Variants in PRKCZ observed in about 807,000 individuals in gnomAD.
The protein encoded by PRKCZ is protein kinase C zeta.
Under a neutral mutation model 79.5 loss-of-function variants are expected in PRKCZ, and 33 were observed. That is an observed-to-expected ratio of 0.41 (90% CI 0.31 to 0.55). PRKCZ has a LOEUF of 0.55. Among genes scored for constraint, PRKCZ ranks in the 20% least tolerant of loss-of-function variants. The pLI, the probability that PRKCZ is intolerant of heterozygous loss-of-function variation, is 0.19. For missense variants in PRKCZ, 578 were observed against 813.5 expected (o/e 0.71, Z 3.52); for synonymous variants, 342 against 320.9 (o/e 1.07, Z -0.70).
intron 4 of PRKCZ, among the ~76,000 whole-genome samples, chr1:2,073,065 G>A (rs566771704): frequency 8.5e-5 from 13 of 152,252 alleles, no homozygotes; most frequent in African/African-American, 2.4e-4. Context: ...GCCACCCAGC[G>A]GCGGTGGCGG....
intron 4 of PRKCZ, among the ~76,000 whole-genome samples, chr1:2,109,517 A>G (rs2102690599): frequency 6.6e-6 from 1 of 152,264 alleles, no homozygotes; most frequent in South Asian, 2.1e-4. Context: ...CCCTAGACAG[A>G]GCTCCCTTGG....
Position 2,168,724 on chromosome 1 carries a change from G to A in PRKCZ, c.975-794G>A, listed in dbSNP as rs1008906553. 3 of 176,658 alleles carry A rather than the reference G, an allele frequency of 1.7e-5. No individual in the cohort carries two copies. The highest frequency in any genetic ancestry group is 2.3e-4 in the South Asian group (2 of 8,768). The allele number at this position is 176,658 out of a possible 1,614,324, so 10.9% of individuals were successfully genotyped here. ...CACACGCTTCCCTCCTTCACTCCCCGCTCCACGAGGGGCAGCCAGGAGCAG... is the reference window on the plus strand; with the variant it reads ...CACACGCTTCCCTCCTTCACTCCCCACTCCACGAGGGGCAGCCAGGAGCAG... On this transcript the variant is annotated intron_variant, in intron 10 of 17. Transcript: ENST00000378567. The surrounding 1 kb of genome is among the most constrained non-coding windows in gnomAD (Gnocchi z 4.7).
chr1:2,166,600 A>G (rs1302725023), intron 10 of PRKCZ, among the ~76,000 whole-genome samples: 1 of 151,836 alleles, frequency 6.6e-6, no homozygotes, highest in East Asian at 1.9e-4. Flanking sequence ...CAGGACACGG[A>G]GGGGCAGCCT....
intron 4 of PRKCZ, among the ~76,000 whole-genome samples, chr1:2,108,000 C>T (rs895783162): frequency 2.0e-5 from 3 of 152,126 alleles, no homozygotes; most frequent in Admixed American, 6.5e-5. Flanking sequence ...CCCCCAACCC[C>T]GGCAGTGTCA....
In PRKCZ at chr1:2,072,562, T is replaced by G. The variant is rs531068093; in HGVS notation, c.334+12971T>G. Among the ~76,000 whole-genome samples, 18 of 152,194 alleles carry G rather than the reference T, an allele frequency of 1.2e-4. 1 individual carries two copies. Among genetic ancestry groups the G allele is most frequent in the Non-Finnish European group, 1.3e-4 (9 of 68,008 alleles). ...AGGTGGAGTAACTTCAGCCAGGCTC[T>G]GGGGTGCAGGGGCTGTCCCTGTGAC... On this transcript the variant is annotated intron_variant, in intron 4 of 17. Coordinates refer to ENST00000378567, the MANE Select transcript of PRKCZ (RefSeq NM_002744.6).
At chr1:2,062,207 C>T (rs1223515825) in intron 4 of PRKCZ, among the ~76,000 whole-genome samples, 6 of 152,152 alleles carry the variant, frequency 3.9e-5, no homozygotes, top group Admixed American at 1.3e-4. Flanking sequence ...TATGTAGTTA[C>T]AAACCCAAAA....
rs1480220134 is a variant in PRKCZ, at chr1:2,082,606, G to A, written c.334+23015G>A. 3 of 368,840 alleles carry A rather than the reference G, an allele frequency of 8.1e-6. No homozygotes were observed. The highest frequency in any genetic ancestry group is 1.6e-5 in the Non-Finnish European group (3 of 187,228). The allele number at this position is 368,840 out of a possible 1,614,324, so 22.8% of individuals were successfully genotyped here. On this transcript the variant is annotated intron_variant, in intron 4 of 17. Coordinates refer to ENST00000378567, the MANE Select transcript of PRKCZ (RefSeq NM_002744.6). The surrounding 1 kb of genome is among the most constrained non-coding windows in gnomAD (Gnocchi z 4.4). ...TGGTGTAAATGCTCCCACCACGGCC[G>A]ATTTCAGGCTGCCGAAGTGGAGGGG...
intron 4 of PRKCZ, among the ~76,000 whole-genome samples, chr1:2,101,976 T>G (rs1288407787): frequency 6.6e-6 from 1 of 152,200 alleles, no homozygotes; most frequent in Non-Finnish European, 1.5e-5. Flanking sequence ...CACAGAGGAC[T>G]GTGTCTTCTG....
intron 4 of PRKCZ, among the ~76,000 whole-genome samples, chr1:2,100,002 C>T (rs1033009760): frequency 9.2e-5 from 14 of 152,292 alleles, no homozygotes; most frequent in Admixed American, 7.2e-4. Context: ...TTTGAACCAG[C>T]TTGTTGAAAC....
intron 4 of PRKCZ, among the ~76,000 whole-genome samples, chr1:2,126,407 G>A (rs1452840141): frequency 2.6e-5 from 4 of 152,044 alleles, no homozygotes; most frequent in East Asian, 1.9e-4. Flanking sequence ...CCCCCATCAC[G>A]TGTCCAGAGG....
At position 2,058,553 on chromosome 1, in the gene PRKCZ, CTA is replaced by C. The variant is rs369073856; in HGVS notation, c.284-986_284-985del. On this transcript the variant is annotated intron_variant, in intron 3 of 17. Transcript: ENST00000378567. ...GTGATAGTAAGCACATTTTGCCTCT[CTA>C]TGTGGAAAGATACAGTGGCTTAAAA... Among the ~76,000 whole-genome samples, 374 of 152,196 alleles carry C rather than the reference CTA, an allele frequency of 2.5e-3. 1 individual carries two copies. The highest frequency in any genetic ancestry group is 8.1e-3 in the East Asian group (42 of 5,162).
rs1434456379 is a variant in PRKCZ at position 2,184,496 on chromosome 1, T to C, written c.1576-87T>C. On this transcript the variant is annotated intron_variant, in intron 16 of 17. Transcript: ENST00000378567. ...AAATGCTGACTTTCTCACTGTTTCA[T>C]TTTGTGATTGAAGTGCGTGCAAAAC... is the stretch of plus-strand genomic sequence containing the variant. 2.3e-5 allele frequency: 21 copies of C among 930,022 alleles called. 1 individual carries two copies. In the Admixed American group the frequency reaches 4.7e-4, roughly 21 times the overall value. 57.6% of individuals were successfully genotyped at this position (930,022 alleles called of 1,614,324 possible).
chr1:2,170,842 G>A (rs1557731912), intron 11 of PRKCZ, among the ~76,000 whole-genome samples: 1 of 152,236 alleles, frequency 6.6e-6, no homozygotes, highest in African/African-American at 2.4e-5. Context: ...TTTTCAGGCT[G>A]GATAATGCCC....
chr1:2,138,429 C>T (rs1454265010), intron 5 of PRKCZ, among the ~76,000 whole-genome samples: 3 of 152,054 alleles, frequency 2.0e-5, no homozygotes, highest in Admixed American at 6.5e-5. Flanking sequence ...AGGATGGTGC[C>T]GGGGGTGGCA....
chr1:2,072,139 G>A (rs1342392142), intron 4 of PRKCZ, among the ~76,000 whole-genome samples: 3 of 152,220 alleles, frequency 2.0e-5, no homozygotes, highest in Non-Finnish European at 2.9e-5. Context: ...CACATTTTAC[G>A]GAATGCCCCT....
intron 10 of PRKCZ, among the ~76,000 whole-genome samples, chr1:2,157,033 T>A (rs541039975): frequency 6.6e-6 from 1 of 152,322 alleles, no homozygotes; most frequent in Non-Finnish European, 1.5e-5. Context: ...GGAGAGCCAG[T>A]GGCACAGCTT....
chr1:2,106,721 C>T (rs369543457), intron 4 of PRKCZ, among the ~76,000 whole-genome samples: 3,397 of 28,288 alleles, frequency 0.12, 982 homozygotes, highest in Admixed American at 0.28. Flanking sequence ...GACCTCCATG[C>T]GTGTCACCAG....
intron 4 of PRKCZ, among the ~76,000 whole-genome samples, chr1:2,121,020 G>A (rs574365101): frequency 1.2e-4 from 18 of 151,948 alleles, no homozygotes; most frequent in African/African-American, 4.3e-4. Context: ...TGCCATGTTG[G>A]CCAGGCTGGT....
At chr1:2,101,313 G>A (rs908741) in intron 4 of PRKCZ, among the ~76,000 whole-genome samples, 136 of 152,226 alleles carry the variant, frequency 8.9e-4, no homozygotes, top group South Asian at 5.4e-3. Context: ...CACTGGCCAC[G>A]TCCTCTCAGT....
Sources: allele counts gnomAD v4.1 joint callset (sites outside exome capture counted in the v4.1 genomes callset), GRCh38; gene constraint gnomAD v4.1.1; non-coding constraint Gnocchi (gnomAD v3.1); transcripts MANE v1.5; gene names NCBI Gene and HGNC (gene_info 2026-07-23, HGNC 2026-07-21).